The following GALNT13 variants were observed in gnomAD, a reference collection of about 807,000 sequenced individuals.
The protein encoded by GALNT13 is UDP-GalNAc:polypeptide N-acetylgalactosaminyltransferase 13.
A neutral mutation model predicts 64.2 loss-of-function variants in GALNT13; 28 were observed. The ratio of observed to expected loss-of-function variants is 0.44; its 90% confidence interval spans 0.32 to 0.60. GALNT13 has a LOEUF of 0.60. Among genes scored for constraint, GALNT13 ranks in the 20% least tolerant of loss-of-function variants. GALNT13 has a pLI of 0.05. For missense variants in GALNT13, 577 were observed against 669.8 expected (o/e 0.86, Z 1.53); for synonymous variants, 214 against 224.6 (o/e 0.95, Z 0.42).
chr2:153,705,969 A>G, the GALNT13 span, among the ~76,000 whole-genome samples: 2 of 151,962 alleles, frequency 1.3e-5, no homozygotes, highest in Non-Finnish European at 1.5e-5. Flanking sequence ...TGCAAAATAT[A>G]TATGCTTTGT....
At chr2:153,886,845 C>T (rs1341985646) in intron 1 of GALNT13, among the ~76,000 whole-genome samples, 1 of 152,016 alleles carries the variant, frequency 6.6e-6, no homozygotes. Context: ...AGCATATTAA[C>T]TTCCTCTTCA....
chr2:154,145,100 C>CTATCTATCTATCTA lies in GALNT13; in HGVS notation c.311+4598_311+4599insCTATCTATCTATAT, dbSNP rs796615512. The stretch of plus-strand genomic sequence containing the variant: ...TCTATCTATCTATCTATCTATCTAT[C>CTATCTATCTATCTA]TATATATATATATATATATACACAC... On this transcript the variant is annotated intron_variant, in intron 4 of 12. Coordinates refer to ENST00000392825, the MANE Select transcript of GALNT13 (RefSeq NM_052917.4). Among the ~76,000 whole-genome samples the CTATCTATCTATCTA allele has an allele frequency of 7.5e-3, 899 of 119,484 alleles. 4 individuals carry two copies. Among genetic ancestry groups the CTATCTATCTATCTA allele is most frequent in the Middle Eastern group, 0.036 (8 of 224 alleles). The allele number at this position is 119,484 out of a possible 152,430, so 78.4% of individuals were successfully genotyped here.
chr2:153,307,814 C>T, the GALNT13 span, among the ~76,000 whole-genome samples: 1 of 151,962 alleles, frequency 6.6e-6, no homozygotes, highest in Non-Finnish European at 1.5e-5. Flanking sequence ...ATTAAAGATA[C>T]TGGCTGTCTA....
At chr2:153,315,764 T>C in the GALNT13 span, among the ~76,000 whole-genome samples, 3 of 152,164 alleles carry the variant, frequency 2.0e-5, no homozygotes, top group South Asian at 6.2e-4. Flanking sequence ...ATTAAGTAGT[T>C]GCTAAGATTG....
the GALNT13 span, among the ~76,000 whole-genome samples, chr2:153,262,931 G>A: frequency 6.6e-6 from 1 of 152,064 alleles, no homozygotes; most frequent in Non-Finnish European, 1.5e-5. Context: ...ATTCAACATA[G>A]TATTGGAAGT....
At chr2:153,293,694 C>G in the GALNT13 span, among the ~76,000 whole-genome samples, 1 of 152,018 alleles carries the variant, frequency 6.6e-6, no homozygotes, top group Non-Finnish European at 1.5e-5. Context: ...CGTGTTGAAA[C>G]ATAGTAGAGT....
At chr2:154,345,818 G>A (rs1374372231) in intron 9 of GALNT13, among the ~76,000 whole-genome samples, 1 of 152,052 alleles carries the variant, frequency 6.6e-6, no homozygotes, top group Non-Finnish European at 1.5e-5. Flanking sequence ...AGAATTTCCA[G>A]ACAATGGTCT....
chr2:153,125,967 G>A, the GALNT13 span, among the ~76,000 whole-genome samples: 12 of 152,032 alleles, frequency 7.9e-5, no homozygotes, highest in Admixed American at 5.2e-4. Context: ...AAAAGCGTCC[G>A]GTGATTATGA....
chr2:153,839,238 G>T, the GALNT13 span, among the ~76,000 whole-genome samples: 1 of 151,722 alleles, frequency 6.6e-6, no homozygotes, highest in Non-Finnish European at 1.5e-5. Flanking sequence ...TTCAAACTTA[G>T]ATATATTTTA....
chr2:153,392,903 G>T, the GALNT13 span, among the ~76,000 whole-genome samples: 4 of 151,948 alleles, frequency 2.6e-5, no homozygotes, highest in East Asian at 7.8e-4. Context: ...CCTTATAAAA[G>T]AGGTCCAAGG....
At chr2:153,445,745 G>A in the GALNT13 span, among the ~76,000 whole-genome samples, 2 of 152,002 alleles carry the variant, frequency 1.3e-5, no homozygotes, top group Non-Finnish European at 2.9e-5. Context: ...TATCAATCAT[G>A]GAGATTCAGG....
intron 3 of GALNT13, among the ~76,000 whole-genome samples, chr2:154,098,586 C>A (rs1321244904): frequency 6.6e-6 from 1 of 151,968 alleles, no homozygotes; most frequent in Admixed American, 6.6e-5. Context: ...ATTTTTCAAC[C>A]CTTATAGGTA....
intron 12 of GALNT13, among the ~76,000 whole-genome samples, chr2:154,447,601 A>AT (rs1701658532): frequency 6.6e-6 from 1 of 152,068 alleles, no homozygotes; most frequent in African/African-American, 2.4e-5. Context: ...AGATTGGGGC[A>AT]TTTTTCTGGT....
intron 3 of GALNT13, among the ~76,000 whole-genome samples, chr2:154,009,347 T>A (rs1277841325): frequency 6.6e-6 from 1 of 152,104 alleles, no homozygotes; most frequent in Admixed American, 6.6e-5. Context: ...CTGCTGCTTT[T>A]TTCTTTTTGC....
chr2:153,673,586 A>T, the GALNT13 span, among the ~76,000 whole-genome samples: 1 of 151,802 alleles, frequency 6.6e-6, no homozygotes, highest in Non-Finnish European at 1.5e-5. Flanking sequence ...TTTATGACAA[A>T]CCACGCCAAT....
At chr2:153,515,419 G>A in the GALNT13 span, among the ~76,000 whole-genome samples, 24 of 152,258 alleles carry the variant, frequency 1.6e-4, no homozygotes, top group Non-Finnish European at 2.2e-4. Flanking sequence ...CTTTATCTGC[G>A]AAATTCCTAG....
At chr2:153,314,188 A>T in the GALNT13 span, among the ~76,000 whole-genome samples, 1 of 152,228 alleles carries the variant, frequency 6.6e-6, no homozygotes, top group Non-Finnish European at 1.5e-5. Context: ...TTGAAGAGGC[A>T]TAAGGAAGAA....
Position 154,119,105 on chromosome 2 carries a change from G to A in GALNT13, c.143-21232G>A, listed in dbSNP as rs115659911. ...ATTAATAACTCCCATTAAGATTCCTGTAAGGCAGGTCTAGTGATGTTATAC... is the reference window on the plus strand; with the variant it reads ...ATTAATAACTCCCATTAAGATTCCTATAAGGCAGGTCTAGTGATGTTATAC... On this transcript the variant is annotated intron_variant, in intron 3 of 12. Coordinates refer to ENST00000392825, the MANE Select transcript of GALNT13 (RefSeq NM_052917.4). Among the ~76,000 whole-genome samples the A allele has an allele frequency of 2.4e-3, 371 of 152,192 alleles. 4 individuals are homozygous for A. The highest frequency in any genetic ancestry group is 8.1e-3 in the African/African-American group (337 of 41,548).
the GALNT13 span, among the ~76,000 whole-genome samples, chr2:153,590,878 G>A: frequency 1.3e-5 from 2 of 152,058 alleles, no homozygotes; most frequent in Non-Finnish European, 2.9e-5. Flanking sequence ...ATGGAGAAAT[G>A]TTGAAAACAT....
Sources: allele counts gnomAD v4.1 joint callset (sites outside exome capture counted in the v4.1 genomes callset), GRCh38; gene constraint gnomAD v4.1.1; transcripts MANE v1.5; gene names NCBI Gene and HGNC (gene_info 2026-07-23, HGNC 2026-07-21).